Variants in PHLDB2 observed in about 807,000 individuals in gnomAD.
PHLDB2 encodes the protein pleckstrin homology-like domain family B member 2.
Under a neutral mutation model 123.6 loss-of-function variants are expected in PHLDB2, and 71 were observed. The ratio of observed to expected loss-of-function variants is 0.57; its 90% CI spans 0.47 to 0.70. The LOEUF is 0.70. Ranked by LOEUF, PHLDB2 falls within the 30% of genes least tolerant of loss-of-function variation. PHLDB2 has a pLI of 0.00. For missense variants in PHLDB2, 1,446 were observed against 1,519.5 expected (o/e 0.95, Z 0.80); for synonymous variants, 547 against 541.6 (o/e 1.01, Z -0.14).
chr3:111,805,288 C>T (rs2061530447), intron 1 of PHLDB2, among the ~76,000 whole-genome samples: 3 of 152,262 alleles, frequency 2.0e-5, no homozygotes, highest in South Asian at 4.1e-4. Context: ...GGGCCGGGCG[C>T]TGTGGCTCAA....
Position 111,791,890 on chromosome 3 carries a change from C to T in PHLDB2, c.-48-53931C>T, listed in dbSNP as rs546640899. On this transcript the variant is annotated intron_variant, in intron 1 of 17. Coordinates refer to the PHLDB2 transcript ENST00000393923. ...TAAGTTATTGTTAACTATAGTCACC[C>T]TACTGTGTTCTCAAACACTAGAACT... Among the ~76,000 whole-genome samples the T allele has an allele frequency of 9.7e-4, 148 of 152,268 alleles. 1 individual carries two copies. The highest frequency in any genetic ancestry group is 3.5e-3 in the African/African-American group (144 of 41,572).
intron 2 of PHLDB2, among the ~76,000 whole-genome samples, chr3:111,901,339 G>A (rs532993182): frequency 1.4e-5 from 2 of 147,698 alleles, no homozygotes; most frequent in South Asian, 4.3e-4. Context: ...CAGTCTGGGT[G>A]ACAGAGTGAG....
intron 5 of PHLDB2, among the ~76,000 whole-genome samples, chr3:111,929,495 A>T (rs1416376877): frequency 6.6e-6 from 1 of 152,198 alleles, no homozygotes; most frequent in Non-Finnish European, 1.5e-5. Flanking sequence ...TTTTACATTC[A>T]CTGTAGAAGG....
chr3:111,860,601 T>C (rs980201722), intron 1 of PHLDB2, among the ~76,000 whole-genome samples: 1 of 152,188 alleles, frequency 6.6e-6, no homozygotes, highest in African/African-American at 2.4e-5. Context: ...CTCCCAGGGT[T>C]GGGGTTTCCT....
chr3:111,852,162 C>T (rs1021756745), intron 2 of PHLDB2, among the ~76,000 whole-genome samples: 4 of 151,664 alleles, frequency 2.6e-5, no homozygotes, highest in African/African-American at 9.7e-5. Flanking sequence ...GAATCCTGGC[C>T]CCTGCTCTCA....
intron 1 of PHLDB2, among the ~76,000 whole-genome samples, chr3:111,822,039 C>T (rs2062410022): frequency 6.6e-6 from 1 of 152,092 alleles, no homozygotes; most frequent in African/African-American, 2.4e-5. Flanking sequence ...CACATTTCTA[C>T]AGGAAGAGTT....
intron 10 of PHLDB2, among the ~76,000 whole-genome samples, chr3:111,951,967 T>A (rs2107635399): frequency 6.6e-6 from 1 of 152,272 alleles, no homozygotes; most frequent in African/African-American, 2.4e-5. Context: ...CTGAAAAAAA[T>A]TAAATAGTCC....
chr3:111,761,324 A>G (rs1331258640), intron 1 of PHLDB2, among the ~76,000 whole-genome samples: 1 of 152,220 alleles, frequency 6.6e-6, no homozygotes, highest in African/African-American at 2.4e-5. Flanking sequence ...CTAATCATCC[A>G]CAATGGGAAA....
intron 1 of PHLDB2, among the ~76,000 whole-genome samples, chr3:111,807,946 GTTTT>G (rs11418818): frequency 2.3e-5 from 2 of 86,420 alleles, no homozygotes; most frequent in Non-Finnish European, 5.4e-5. Flanking sequence ...TAAGCTGGGT[GTTTT>G]TTTTTTTTTT....
intron 2 of PHLDB2, among the ~76,000 whole-genome samples, chr3:111,886,627 T>C (rs1341846808): frequency 1.3e-5 from 2 of 152,232 alleles, no homozygotes; most frequent in African/African-American, 4.8e-5. Flanking sequence ...GCAGTAATCA[T>C]TTGCATCACT....
intron 1 of PHLDB2, among the ~76,000 whole-genome samples, chr3:111,817,824 G>A (rs1433013167): frequency 6.6e-6 from 1 of 152,134 alleles, no homozygotes; most frequent in Non-Finnish European, 1.5e-5. Flanking sequence ...AAATCAGACT[G>A]AGCAGAAATG....
At chr3:111,777,009 T>TA (rs1559825248) in intron 1 of PHLDB2, among the ~76,000 whole-genome samples, 1 of 151,618 alleles carries the variant, frequency 6.6e-6, no homozygotes, top group South Asian at 2.1e-4. Flanking sequence ...CCAATCAGCA[T>TA]AAAAAAGAGA....
rs1163533424 is a variant in PHLDB2 at position 111,974,863 on chromosome 3, G to C, written c.*300G>C. 1 of 198,846 alleles carries C rather than the reference G, an allele frequency of 5.0e-6. No individual in the cohort carries two copies. The highest frequency in any genetic ancestry group is 1.0e-5 in the Non-Finnish European group (1 of 99,424). The allele number at this position is 198,846 out of a possible 1,614,324, so 12.3% of individuals were successfully genotyped here. On this transcript the variant is annotated 3_prime_UTR_variant, in exon 18 of 18. Coordinates refer to ENST00000431670, the MANE Select transcript of PHLDB2 (RefSeq NM_001134438.2). The stretch of plus-strand genomic sequence containing the variant: ...CTGTTTTTAATCAGTTGTCGGATTT[G>C]GTGAAATAAACTAAACAGGTTACAG...
intron 3 of PHLDB2, 199 bp downstream of exon 3, chr3:111,913,901 G>T (rs1577070549): frequency 3.1e-6 from 2 of 648,558 alleles, no homozygotes; most frequent in Non-Finnish European, 5.1e-6. Context: ...TGTAAAAATT[G>T]TAGCAGCACA....
At chr3:111,949,582 C>T (rs2070573975) in intron 10 of PHLDB2, 4 of 440,424 alleles carry the variant, frequency 9.1e-6, no homozygotes, top group Non-Finnish European at 1.2e-5. Context: ...AGATATTGCC[C>T]ATCAATTGTA....
intron 1 of PHLDB2, among the ~76,000 whole-genome samples, chr3:111,875,648 C>T (rs1221559297): frequency 6.6e-6 from 1 of 151,012 alleles, no homozygotes; most frequent in African/African-American, 2.4e-5. Flanking sequence ...CATGGTGAAA[C>T]CCCGTTTCTA....
intron 1 of PHLDB2, among the ~76,000 whole-genome samples, chr3:111,861,507 A>G (rs2064835075): frequency 6.6e-6 from 1 of 152,218 alleles, no homozygotes; most frequent in Non-Finnish European, 1.5e-5. Flanking sequence ...TCAGCCTGTC[A>G]GAAGTGGAAA....
chr3:111,753,669 G>C (rs1259186197), intron 1 of PHLDB2, among the ~76,000 whole-genome samples: 97 of 152,184 alleles, frequency 6.4e-4, no homozygotes, highest in Non-Finnish European at 9.9e-4. Flanking sequence ...TCCCATTTGT[G>C]AATTTTGGCT....
At chr3:111,969,120 A>G (rs2072003921) in intron 15 of PHLDB2, among the ~76,000 whole-genome samples, 1 of 152,140 alleles carries the variant, frequency 6.6e-6, no homozygotes, top group African/African-American at 2.4e-5. Context: ...TTTTGATTCC[A>G]CTTCTGTCTT....
Sources: allele counts gnomAD v4.1 joint callset (sites outside exome capture counted in the v4.1 genomes callset), GRCh38; gene constraint gnomAD v4.1.1; transcripts MANE v1.5; gene names NCBI Gene and HGNC (gene_info 2026-07-23, HGNC 2026-07-21).